The following CEP83 variants were observed in gnomAD, a reference collection of about 807,000 sequenced individuals.
CEP83 encodes centrosomal protein of 83 kDa.
In CEP83, 70 loss-of-function variants were observed where a neutral mutation model predicts 101.9. That is an observed-to-expected ratio of 0.69 (90% confidence interval 0.57 to 0.84). The LOEUF is 0.84. CEP83 is among the 40% of genes least tolerant of loss of function. The pLI is 0.00. For synonymous variants in CEP83, 264 were observed against 267.9 expected (o/e 0.99, Z 0.14); for missense variants, 715 against 787.2 (o/e 0.91, Z 1.10).
rs1351267227 is a variant in CEP83 at position 94,332,592 on chromosome 12, TTATTA to T, written c.1578-768_1578-764del. The stretch of plus-strand genomic sequence containing the variant: ...TTTGCTAGCTATACTGTCATTAGAA[TTATTA>T]AGCTCATTTCAATCAAACACTTGAG... On this transcript the variant is annotated intron_variant, in intron 13 of 16. Coordinates refer to ENST00000397809, the MANE Select transcript of CEP83 (RefSeq NM_016122.3). Among the ~76,000 whole-genome samples the T allele has an allele frequency of 1.1e-4, 17 of 152,298 alleles. No individual in the cohort carries two copies. In the South Asian group the frequency reaches 3.5e-3, roughly 32 times the overall value.
At chr12:94,288,978 T>C in the CEP83 span, among the ~76,000 whole-genome samples, 2 of 152,246 alleles carry the variant, frequency 1.3e-5, no homozygotes, top group African/African-American at 4.8e-5. Context: ...TCATAAAATT[T>C]ATAGCTACAA....
chr12:94,369,892 G>A, intron 9 of CEP83, 30 bp downstream of exon 9: 2 of 1,091,656 alleles, frequency 1.8e-6, no homozygotes, highest in South Asian at 1.4e-5. Flanking sequence ...ATAAGCAGCA[G>A]CAGCAGCAGC....
intron 1 of CEP83, among the ~76,000 whole-genome samples, chr12:94,441,807 C>T (rs1047962594): frequency 3.4e-5 from 5 of 147,436 alleles, no homozygotes; most frequent in South Asian, 4.5e-4. Flanking sequence ...CCCAGCTACT[C>T]GGGAGGCTGA....
chr12:94,367,889 A>G lies in CEP83; in HGVS notation c.1248T>C (p.Asp416=), dbSNP rs1210244303. ...ADLEKMKVEH[D]VWRQSEKDQY... Reference sequence around the variant, plus strand: ...GATCCTTTTCAGATTGCCTCCAGACATCATGTTCCACTTTCATTTTCTCCA... The same window carrying G: ...GATCCTTTTCAGATTGCCTCCAGACGTCATGTTCCACTTTCATTTTCTCCA... Residue 416 remains aspartate (D), a synonymous_variant, in exon 11 of 17, where the codon GAT becomes GAC. Coordinates refer to ENST00000397809, the MANE Select transcript of CEP83 (RefSeq NM_016122.3). The G allele has an allele frequency of 1.2e-6, 2 of 1,613,776 alleles. No individual in the cohort carries two copies. Among genetic ancestry groups the G allele is most frequent in the Non-Finnish European group, 1.7e-6 (2 of 1,179,798 alleles).
At chr12:94,279,681 G>A in the CEP83 span, 2 of 1,597,054 alleles carry the variant, frequency 1.3e-6, no homozygotes, top group African/African-American at 1.3e-5. Context: ...GTGGTCCCAG[G>A]CCCTGATGAG....
chr12:94,460,156 C>T (rs902942163), upstream of CEP83: 4 of 152,312 alleles, frequency 2.6e-5, no homozygotes, highest in African/African-American at 7.2e-5. Context: ...ACTCAGAGAT[C>T]CCCAGAGCCC....
At chr12:94,441,914 CAAAAAAAA>C (rs370968833) in intron 1 of CEP83, among the ~76,000 whole-genome samples, 2 of 61,848 alleles carry the variant, frequency 3.2e-5, no homozygotes, top group Non-Finnish European at 6.4e-5. Context: ...GACTCCGTCT[CAAAAAAAA>C]AAAAAAAAAA....
At chr12:94,381,086 G>A (rs2061823999) in intron 6 of CEP83, among the ~76,000 whole-genome samples, 1 of 152,116 alleles carries the variant, frequency 6.6e-6, no homozygotes, top group Non-Finnish European at 1.5e-5. Flanking sequence ...ACTGTTTTAG[G>A]TAGTAAGGAT....
At chr12:94,386,470 C>G (rs1352917943) in intron 6 of CEP83, among the ~76,000 whole-genome samples, 1 of 152,136 alleles carries the variant, frequency 6.6e-6, no homozygotes, top group Non-Finnish European at 1.5e-5. Flanking sequence ...GTTTCCTTGG[C>G]CTCTCAAATT....
intron 6 of CEP83, among the ~76,000 whole-genome samples, chr12:94,389,816 T>A (rs938385735): frequency 6.6e-6 from 1 of 152,194 alleles, no homozygotes; most frequent in East Asian, 1.9e-4. Context: ...GGAGATTCTC[T>A]CCCATGCCTG....
chr12:94,446,505 C>T (rs772437871), intron 1 of CEP83, among the ~76,000 whole-genome samples: 1 of 151,974 alleles, frequency 6.6e-6, no homozygotes, highest in Non-Finnish European at 1.5e-5. Context: ...GTCAGGAGAT[C>T]GAGACCATCC....
chr12:94,376,556 G>C (rs1477011508), intron 7 of CEP83, among the ~76,000 whole-genome samples: 2 of 151,914 alleles, frequency 1.3e-5, no homozygotes, highest in African/African-American at 4.8e-5. Context: ...ACACAATTAA[G>C]ATTGTTAATG....
chr12:94,390,495 T>C (rs1458231898), intron 6 of CEP83, among the ~76,000 whole-genome samples: 3 of 151,920 alleles, frequency 2.0e-5, no homozygotes, highest in Non-Finnish European at 4.4e-5. Context: ...AGACCAAAGG[T>C]AGATAAAACC....
chr12:94,418,663 G>A (rs2064478036), intron 2 of CEP83, among the ~76,000 whole-genome samples: 1 of 152,188 alleles, frequency 6.6e-6, no homozygotes, highest in Non-Finnish European at 1.5e-5. Flanking sequence ...AGGGAATGGG[G>A]AAATGGGAGT....
At chr12:94,298,564 G>T in the CEP83 span, 1 of 1,237,534 alleles carries the variant, frequency 8.1e-7, no homozygotes, top group African/African-American at 1.5e-5. Context: ...ATTTGCTTTT[G>T]CTATTATGTT....
At chr12:94,301,859 C>T (rs952786545), downstream of CEP83, among the ~76,000 whole-genome samples, 4 of 152,144 alleles carry the variant, frequency 2.6e-5, no homozygotes, top group Non-Finnish European at 1.5e-5. Context: ...GAATCCTCAA[C>T]GTTATCTTTG....
rs1383762738 is a variant in CEP83, at chr12:94,381,579, C to T, written c.550-2537G>A. On this transcript the variant is annotated intron_variant, in intron 6 of 16. Coordinates refer to ENST00000397809, the MANE Select transcript of CEP83 (RefSeq NM_016122.3). ...ACACAAGAGGGAAAGGTAGTGTTAC[C>T]TAATTACTCCATCCTTCTTTGTTGT... Among the ~76,000 whole-genome samples the T allele has an allele frequency of 9.9e-5, 15 of 152,212 alleles. No individual in the cohort carries two copies. The East Asian group carries it at 2.5e-3, about 25-fold the overall frequency.
chr12:94,359,815 G>A (rs967779955), intron 11 of CEP83, among the ~76,000 whole-genome samples: 2 of 151,580 alleles, frequency 1.3e-5, no homozygotes, highest in African/African-American at 4.8e-5. Context: ...AACCAGACAG[G>A]GACACAACAA....
chr12:94,271,736 A>G, the CEP83 span, among the ~76,000 whole-genome samples: 1 of 152,192 alleles, frequency 6.6e-6, no homozygotes, highest in African/African-American at 2.4e-5. Flanking sequence ...GTAGGTGCTC[A>G]TTCTTTTTTG....
Sources: allele counts gnomAD v4.1 joint callset (sites outside exome capture counted in the v4.1 genomes callset), GRCh38; gene constraint gnomAD v4.1.1; transcripts MANE v1.5; gene names NCBI Gene and HGNC (gene_info 2026-07-23, HGNC 2026-07-21).